The following FTCDNL1 variants were observed in gnomAD, a reference collection of about 807,000 sequenced individuals.
The protein encoded by FTCDNL1 is formiminotransferase N-terminal subdomain-containing protein.
In FTCDNL1, 11 loss-of-function variants were observed where a neutral mutation model predicts 5.9. That is an observed-to-expected ratio of 1.87 (90% CI 1.18 to 3.10). FTCDNL1 has a LOEUF of 3.10. FTCDNL1 is among the 30% of genes most tolerant of loss of function. The pLI is 0.00. For missense variants in FTCDNL1, 115 were observed against 65.5 expected, an observed-to-expected ratio of 1.76 and a Z score of -2.61; for synonymous variants, 58 against 24.8, an observed-to-expected ratio of 2.34 and a Z score of -3.99.
intron 3 of FTCDNL1, among the ~76,000 whole-genome samples, chr2:199,780,119 A>G (rs1032311053): frequency 4.6e-5 from 7 of 152,210 alleles, no homozygotes; most frequent in Non-Finnish European, 8.8e-5. Context: ...TGTCGAGTGA[A>G]GGAAGCAGGA....
the FTCDNL1 span, among the ~76,000 whole-genome samples, chr2:199,753,946 A>G: frequency 6.6e-6 from 1 of 152,208 alleles, no homozygotes; most frequent in East Asian, 1.9e-4. Flanking sequence ...AGAAAACTAC[A>G]TTAATGAGTT....
chr2:199,730,223 T>C, the FTCDNL1 span, among the ~76,000 whole-genome samples: 6 of 152,302 alleles, frequency 3.9e-5, no homozygotes, highest in South Asian at 1.2e-3. Flanking sequence ...AAGACTTAAA[T>C]GTAAAACACA....
the FTCDNL1 span, among the ~76,000 whole-genome samples, chr2:199,726,856 C>T: frequency 5.4e-4 from 83 of 152,322 alleles, no homozygotes; most frequent in African/African-American, 1.9e-3. Flanking sequence ...TGTTTGACAA[C>T]CTCTATTGGG....
chr2:199,718,953 T>C, the FTCDNL1 span, among the ~76,000 whole-genome samples: 14 of 152,190 alleles, frequency 9.2e-5, no homozygotes, highest in African/African-American at 3.4e-4. Flanking sequence ...ATTAGCCCTT[T>C]GTCAGATGCA....
the FTCDNL1 span, among the ~76,000 whole-genome samples, chr2:199,670,515 C>T: frequency 6.6e-6 from 1 of 152,108 alleles, no homozygotes; most frequent in African/African-American, 2.4e-5. Context: ...AAAACACATT[C>T]AGGCAAAGTA....
chr2:199,781,321 C>T (rs561415799), intron 3 of FTCDNL1, among the ~76,000 whole-genome samples: 295 of 152,112 alleles, frequency 1.9e-3, no homozygotes, highest in Non-Finnish European at 2.9e-3. Context: ...CTCTGTGCTT[C>T]CTTCCTACTG....
At chr2:199,671,201 A>C in the FTCDNL1 span, among the ~76,000 whole-genome samples, 1 of 151,860 alleles carries the variant, frequency 6.6e-6, no homozygotes. Flanking sequence ...CTAGGAGCTC[A>C]CAGCCTAGTG....
At chr2:199,719,233 G>A in the FTCDNL1 span, among the ~76,000 whole-genome samples, 1 of 151,936 alleles carries the variant, frequency 6.6e-6, no homozygotes, top group Non-Finnish European at 1.5e-5. Flanking sequence ...AAGAGGTATG[G>A]GTCCAGTTTC....
At chr2:199,667,817 G>T in the FTCDNL1 span, among the ~76,000 whole-genome samples, 1 of 152,116 alleles carries the variant, frequency 6.6e-6, no homozygotes, top group Non-Finnish European at 1.5e-5. Flanking sequence ...GTTGCTCAAG[G>T]ATTAAATGAG....
chr2:199,674,788 C>T, the FTCDNL1 span, among the ~76,000 whole-genome samples: 1 of 152,096 alleles, frequency 6.6e-6, no homozygotes, highest in African/African-American at 2.4e-5. Flanking sequence ...GGGAAGAAAT[C>T]CAATGAGGCT....
At chr2:199,739,102 T>C in the FTCDNL1 span, among the ~76,000 whole-genome samples, 1 of 152,244 alleles carries the variant, frequency 6.6e-6, no homozygotes, top group Non-Finnish European at 1.5e-5. Context: ...AAAATAATGT[T>C]AAATGTTTCC....
intron 3 of FTCDNL1, among the ~76,000 whole-genome samples, chr2:199,775,071 T>C (rs994071050): frequency 2.6e-5 from 4 of 152,214 alleles, no homozygotes; most frequent in Non-Finnish European, 4.4e-5. Flanking sequence ...ATCTTCCATG[T>C]TTCACCTGAC....
chr2:199,825,427 GATA>G (rs1701971110), intron 3 of FTCDNL1, among the ~76,000 whole-genome samples: 1 of 152,196 alleles, frequency 6.6e-6, no homozygotes, highest in African/African-American at 2.4e-5. Flanking sequence ...GGAATTGCAA[GATA>G]ATGTTTAGGT....
At chr2:199,749,676 G>A in the FTCDNL1 span, among the ~76,000 whole-genome samples, 1 of 152,128 alleles carries the variant, frequency 6.6e-6, no homozygotes, top group East Asian at 1.9e-4. Flanking sequence ...AAAAACTCTA[G>A]AAGGTGCATG....
chr2:199,762,215 C>T (rs1347131928), intron 3 of FTCDNL1, among the ~76,000 whole-genome samples: 1 of 152,098 alleles, frequency 6.6e-6, no homozygotes, highest in African/African-American at 2.4e-5. Flanking sequence ...CCCATCTCTA[C>T]TAAAAATACA....
chr2:199,805,073 T>C (rs1700654408), downstream of FTCDNL1, among the ~76,000 whole-genome samples: 1 of 151,392 alleles, frequency 6.6e-6, no homozygotes, highest in Admixed American at 6.6e-5. Flanking sequence ...CTCTGACAAG[T>C]GTTGGGGGGT....
At chr2:199,729,912 T>G in the FTCDNL1 span, among the ~76,000 whole-genome samples, 133,587 of 152,192 alleles carry the variant, frequency 0.88, 59,077 homozygotes, top group East Asian at 1. Context: ...TAAGCAAAAA[T>G]AACAAAGCTA....
chr2:199,784,271 A>G (rs995502976), intron 3 of FTCDNL1, among the ~76,000 whole-genome samples: 1 of 152,032 alleles, frequency 6.6e-6, no homozygotes, highest in Non-Finnish European at 1.5e-5. Context: ...TAATTACTAC[A>G]CTCAAATGCC....
At chr2:199,746,096 A>T in the FTCDNL1 span, among the ~76,000 whole-genome samples, 1 of 140,842 alleles carries the variant, frequency 7.1e-6, no homozygotes, top group African/African-American at 2.5e-5. Flanking sequence ...GTTTGAAGAT[A>T]ATTTATTTTT....
Sources: allele counts gnomAD v4.1 joint callset (sites outside exome capture counted in the v4.1 genomes callset), GRCh38; gene constraint gnomAD v4.1.1; transcripts MANE v1.5; gene names NCBI Gene and HGNC (gene_info 2026-07-23, HGNC 2026-07-21).